DNAH12: variants seen among roughly 807,000 people sequenced by gnomAD.
DNAH12 encodes dynein axonemal heavy chain 12.
Under a neutral mutation model 371.5 loss-of-function variants are expected in DNAH12, and 285 were observed. The observed-to-expected ratio is 0.77, with a 90% confidence interval of 0.70 to 0.85. The LOEUF (loss-of-function observed/expected upper bound fraction) is 0.85, where lower values mean the gene tolerates loss of function less well. Among genes scored for constraint, DNAH12 ranks in the 40% least tolerant of loss-of-function variants. The pLI, the probability that DNAH12 is intolerant of heterozygous loss-of-function variation, is 0.00. For synonymous variants in DNAH12, 1,200 were observed against 1,213.0 expected, an observed-to-expected ratio of 0.99 and a Z score of 0.22; for missense variants, 3,611 against 3,689.4, an observed-to-expected ratio of 0.98 and a Z score of 0.55.
Position 57,483,408 on chromosome 3 carries a change from C to T in DNAH12, c.1618G>A (p.Val540Ile). ...LISYVEKART[V>I]GIEELILRIQ... ...CTTAAAATCAACTCTTCGATTCCTA[C>T]AGTCCGGGCTTTTTCTACATAAGAT... The change falls in exon 13 of 74, where the codon GTA becomes ATA. Residue 540 changes from valine (V) to isoleucine (I), a missense_variant. Val to Ile is a conservative substitution (Grantham distance 29). Around this residue, in one of 3 missense-constraint regions of DNAH12, gnomAD observed 1,314 missense variants for 1,398.7 expected, o/e 0.94. Transcript: ENST00000495027. 1.3e-6 allele frequency: 2 copies of T among 1,549,954 alleles called. No homozygotes were observed. Among genetic ancestry groups the T allele is most frequent in the Non-Finnish European group, 1.7e-6 (2 of 1,146,596 alleles).
At chr3:57,308,902 A>C (rs1406542621) in intron 69 of DNAH12, among the ~76,000 whole-genome samples, 4 of 151,968 alleles carry the variant, frequency 2.6e-5, no homozygotes, top group Non-Finnish European at 5.9e-5. Flanking sequence ...TCTGTAAGAC[A>C]AATGTTTCTT....
chr3:57,458,114 C>A lies in DNAH12; in HGVS notation c.3038G>T (p.Arg1013Leu). Residue 1013 changes from arginine to leucine, a missense_variant, in exon 21 of 74, where the codon CGT (arginine) becomes CTT (leucine). Physicochemically the swap from Arg to Leu is moderately radical, Grantham distance 102 (BLOSUM62 -2). This residue lies in a region of DNAH12 where 1,314 missense variants were observed against 1,398.7 expected (regional missense o/e 0.94). Coordinates refer to ENST00000495027, the MANE Select transcript of DNAH12 (RefSeq NM_001366028.2). ...KGLNAYLEKK[R>L]LFFPRFFFLS... ...TTTATCATACCGAGGGAAGAAAAGA[C>A]GTTTCTTTTCAAGATATGCGTTAAG... 6.5e-7 allele frequency: 1 copy of A among 1,544,876 alleles called. No individual in the cohort carries two copies.
At chr3:57,299,303 A>G (rs2061298177) in intron 70 of DNAH12, among the ~76,000 whole-genome samples, 1 of 152,226 alleles carries the variant, frequency 6.6e-6, no homozygotes, top group African/African-American at 2.4e-5. Flanking sequence ...AGTACATGCC[A>G]GGCACTGTGC....
intron 60 of DNAH12, among the ~76,000 whole-genome samples, chr3:57,340,025 C>G (rs1445789836): frequency 2.0e-5 from 3 of 151,254 alleles, no homozygotes; most frequent in African/African-American, 7.3e-5. Flanking sequence ...GAGCTGTGAT[C>G]ATACCACTGC....
chr3:57,471,394 T>C, intron 15 of DNAH12, 78 bp downstream of exon 15: 2 of 1,307,432 alleles, frequency 1.5e-6, no homozygotes, highest in Non-Finnish European at 2.0e-6. Flanking sequence ...TATTTTTCTA[T>C]ACTTTTAAAT....
At chr3:57,449,319 G>A (rs1463701713) in intron 25 of DNAH12, among the ~76,000 whole-genome samples, 1 of 152,216 alleles carries the variant, frequency 6.6e-6, no homozygotes, top group African/African-American at 2.4e-5. Flanking sequence ...AGGTGGAGCT[G>A]CCTGCCAGTC....
At chr3:57,448,130 T>C (rs1274995512) in intron 25 of DNAH12, among the ~76,000 whole-genome samples, 1 of 152,206 alleles carries the variant, frequency 6.6e-6, no homozygotes, top group Non-Finnish European at 1.5e-5. Flanking sequence ...CTGGAATTGG[T>C]GGGTGCTTGG....
intron 2 of DNAH12, among the ~76,000 whole-genome samples, chr3:57,524,626 C>T (rs2068571303): frequency 6.6e-6 from 1 of 151,918 alleles, no homozygotes; most frequent in South Asian, 2.1e-4. Context: ...TATAGGTACC[C>T]TGTGGTTCAG....
At chr3:57,398,001 A>G (rs1345863831) in intron 43 of DNAH12, among the ~76,000 whole-genome samples, 2 of 152,214 alleles carry the variant, frequency 1.3e-5, no homozygotes, top group South Asian at 2.1e-4. Context: ...AATTTAAAAT[A>G]ACTACCTTAA....
At chr3:57,323,412 T>C in intron 63 of DNAH12, 57 bp downstream of exon 63, 1 of 1,486,280 alleles carries the variant, frequency 6.7e-7, no homozygotes, top group Non-Finnish European at 8.9e-7. Context: ...AAGGAATCAG[T>C]ATTGAGCAAG....
intron 55 of DNAH12, among the ~76,000 whole-genome samples, chr3:57,370,873 TG>T (rs2063156368): frequency 6.6e-6 from 1 of 152,110 alleles, no homozygotes; most frequent in Admixed American, 6.6e-5. Flanking sequence ...TGGGGGAGGC[TG>T]GAACTGAGAC....
In DNAH12 at chr3:57,468,646, C is replaced by G. The variant is rs558775539; in HGVS notation, c.2349+90G>C. 92 of 755,092 alleles carry G rather than the reference C, an allele frequency of 1.2e-4. 1 individual carries two copies. The South Asian group carries it at 3.4e-3, about 27-fold the overall frequency. The allele number at this position is 755,092 out of a possible 1,614,324, so 46.8% of individuals were successfully genotyped here. Reference sequence around the variant, plus strand: ...ATAATAAATAATAAACATGTAAAACCAGAAGATAGGCTTTATAATTTATAT... The same window carrying G: ...ATAATAAATAATAAACATGTAAAACGAGAAGATAGGCTTTATAATTTATAT... On this transcript the variant is annotated intron_variant, in intron 17 of 73. Transcript: ENST00000495027.
At chr3:57,477,049 T>C (rs1322610379) in intron 13 of DNAH12, among the ~76,000 whole-genome samples, 1 of 152,092 alleles carries the variant, frequency 6.6e-6, no homozygotes, top group Non-Finnish European at 1.5e-5. Context: ...ACCAGGTTCA[T>C]CTCACCGGGG....
intron 2 of DNAH12, among the ~76,000 whole-genome samples, chr3:57,541,310 G>T (rs1294724358): frequency 6.6e-6 from 1 of 152,066 alleles, no homozygotes; most frequent in African/African-American, 2.4e-5. Context: ...AAAGTGGTAG[G>T]ATTACAGGTG....
intron 11 of DNAH12, among the ~76,000 whole-genome samples, chr3:57,495,994 T>TATATA (rs1191346391): frequency 7.0e-6 from 1 of 142,592 alleles, no homozygotes; most frequent in Non-Finnish European, 1.5e-5. Flanking sequence ...ATATATATTA[T>TATATA]ATATATATAA....
At chr3:57,540,055 T>C (rs2069209233) in intron 2 of DNAH12, among the ~76,000 whole-genome samples, 1 of 151,748 alleles carries the variant, frequency 6.6e-6, no homozygotes, top group African/African-American at 2.4e-5. Context: ...TTGTGTTTTC[T>C]TTTTTCTTTT....
At chr3:57,342,220 A>G (rs1251445895) in intron 60 of DNAH12, among the ~76,000 whole-genome samples, 2 of 152,188 alleles carry the variant, frequency 1.3e-5, no homozygotes, top group African/African-American at 4.8e-5. Flanking sequence ...GATTTTATGA[A>G]TAAGAACTCA....
At chr3:57,525,547 G>A (rs1281077961) in intron 2 of DNAH12, among the ~76,000 whole-genome samples, 2 of 151,984 alleles carry the variant, frequency 1.3e-5, no homozygotes, top group Non-Finnish European at 1.5e-5. Flanking sequence ...TACATAGTAG[G>A]CATATGTATT....
chr3:57,505,126 T>C (rs915559416), intron 8 of DNAH12, among the ~76,000 whole-genome samples: 7 of 152,102 alleles, frequency 4.6e-5, no homozygotes. Context: ...TGAGCTCAAG[T>C]GACCCGCCTG....
Sources: allele counts gnomAD v4.1 joint callset (sites outside exome capture counted in the v4.1 genomes callset), GRCh38; gene constraint gnomAD v4.1.1; regional missense constraint gnomAD v4.1.1; transcripts MANE v1.5; gene names NCBI Gene and HGNC (gene_info 2026-07-23, HGNC 2026-07-21).